The following MTFR1 variants were observed in gnomAD, a reference collection of about 807,000 sequenced individuals.
MTFR1 encodes mitochondrial fission regulator 1, also known as chondrocyte protein with a poly-proline region.
MTFR1 carries 28 observed loss-of-function variants against 38.8 expected under a neutral mutation model. That is an observed-to-expected ratio of 0.72 (90% CI 0.53 to 0.99). The LOEUF is 0.99. MTFR1 is among the 50% of genes least tolerant of loss of function. The pLI is 0.00. For synonymous variants in MTFR1, 145 were observed against 137.0 expected (o/e 1.06, Z -0.41); for missense variants, 358 against 395.5 (o/e 0.91, Z 0.81).
At chr8:65,654,303 A>G (rs58398396) in intron 1 of MTFR1, among the ~76,000 whole-genome samples, 29,194 of 151,966 alleles carry the variant, frequency 0.19, 2,968 homozygotes, top group Middle Eastern at 0.23. Context: ...ATTAATATGT[A>G]TTTGTAACTT....
chr8:65,751,719 C>T (rs1380986251), intron 3 of MTFR1, among the ~76,000 whole-genome samples: 2 of 152,136 alleles, frequency 1.3e-5, no homozygotes, highest in Non-Finnish European at 2.9e-5. Context: ...CTCGAACTCC[C>T]GACCTCAGGT....
intron 3 of MTFR1, chr8:65,722,053 A>G (rs975528551): frequency 6.6e-6 from 1 of 152,148 alleles, no homozygotes; most frequent in Non-Finnish European, 1.5e-5. Flanking sequence ...GGCTTCCCAA[A>G]GTGCTGGGTT....
chr8:65,663,238 C>T (rs969934333), intron 1 of MTFR1, among the ~76,000 whole-genome samples: 51 of 152,092 alleles, frequency 3.4e-4, no homozygotes, highest in Non-Finnish European at 6.5e-4. Context: ...TACCCCCAAC[C>T]CTGTGCTCTC....
At chr8:65,657,346 G>A (rs541776294) in intron 1 of MTFR1, among the ~76,000 whole-genome samples, 1 of 152,208 alleles carries the variant, frequency 6.6e-6, no homozygotes, top group East Asian at 1.9e-4. Flanking sequence ...TTTATTTTTA[G>A]AGCAGTTTTT....
intron 1 of MTFR1, among the ~76,000 whole-genome samples, chr8:65,650,139 T>C (rs1809079754): frequency 6.6e-6 from 1 of 150,824 alleles, no homozygotes; most frequent in African/African-American, 2.4e-5. Flanking sequence ...ATGCCCAGCC[T>C]AATTTTTGTA....
intron 3 of MTFR1, among the ~76,000 whole-genome samples, chr8:65,747,237 T>C (rs1216714049): frequency 6.6e-6 from 1 of 152,192 alleles, no homozygotes; most frequent in Admixed American, 6.5e-5. Flanking sequence ...CTTTCTGTGC[T>C]GGGTTTACCT....
At chr8:65,699,220 A>G (rs1435253921) in intron 4 of MTFR1, among the ~76,000 whole-genome samples, 2 of 151,914 alleles carry the variant, frequency 1.3e-5, no homozygotes, top group East Asian at 3.9e-4. Flanking sequence ...TATCTACCAC[A>G]TTTTCTTTAT....
chr8:65,737,524 A>G (rs1158269923), intron 3 of MTFR1, among the ~76,000 whole-genome samples: 2 of 152,114 alleles, frequency 1.3e-5, no homozygotes, highest in Non-Finnish European at 1.5e-5. Flanking sequence ...ATTATTTTTG[A>G]GACAGAGTCT....
intron 1 of MTFR1, among the ~76,000 whole-genome samples, chr8:65,655,903 C>G (rs1047787435): frequency 5.0e-5 from 6 of 119,160 alleles, no homozygotes; most frequent in Non-Finnish European, 7.2e-5. Flanking sequence ...GAGCTGAGAT[C>G]ACGCCATTGC....
chr8:65,690,430 T>A (rs1172833368), intron 3 of MTFR1, among the ~76,000 whole-genome samples: 2 of 151,992 alleles, frequency 1.3e-5, no homozygotes, highest in African/African-American at 4.8e-5. Context: ...TCTGGAGGCT[T>A]ACGCAGGTGA....
At chr8:65,645,292 G>A (rs555584287) in intron 1 of MTFR1, among the ~76,000 whole-genome samples, 25 of 152,368 alleles carry the variant, frequency 1.6e-4, no homozygotes, top group African/African-American at 6.0e-4. Flanking sequence ...AGTTTAACCA[G>A]CTTCCTGTGG....
chr8:65,693,414 A>G (rs76910109), intron 3 of MTFR1, among the ~76,000 whole-genome samples: 1 of 152,096 alleles, frequency 6.6e-6, no homozygotes, highest in Non-Finnish European at 1.5e-5. Context: ...AAAAAAAAAA[A>G]TCAACTTATA....
At chr8:65,743,092 A>G (rs1005116685) in intron 3 of MTFR1, among the ~76,000 whole-genome samples, 2 of 152,202 alleles carry the variant, frequency 1.3e-5, no homozygotes, top group Non-Finnish European at 2.9e-5. Flanking sequence ...ATGAGTGACA[A>G]GTGTCCCAGT....
At chr8:65,719,236 A>G in intron 2 of MTFR1, 2 of 1,250,768 alleles carry the variant, frequency 1.6e-6, no homozygotes, top group Non-Finnish European at 1.2e-6. Context: ...TCAAGACCCC[A>G]TTTCACATTT....
chr8:65,756,376 A>C (rs146494279), intron 3 of MTFR1, among the ~76,000 whole-genome samples: 2,336 of 152,092 alleles, frequency 0.015, 16 homozygotes, highest in Non-Finnish European at 0.025. Context: ...CCAGTGATTC[A>C]TGTATTGGTA....
intron 3 of MTFR1, chr8:65,682,720 C>A (rs1804938962): frequency 1.0e-6 from 1 of 971,696 alleles, no homozygotes; most frequent in Non-Finnish European, 1.2e-6. Context: ...GTTGTTAATT[C>A]CTAGGTGACC....
chr8:65,694,997 G>A (rs1031720578), intron 4 of MTFR1, among the ~76,000 whole-genome samples: 2 of 152,190 alleles, frequency 1.3e-5, no homozygotes, highest in African/African-American at 2.4e-5. Context: ...GGTCTTACAC[G>A]TGACTCTAAG....
chr8:65,729,151 T>TC (rs137896576), intron 3 of MTFR1, among the ~76,000 whole-genome samples: 6,283 of 152,214 alleles, frequency 0.041, 190 homozygotes, highest in Non-Finnish European at 0.062. Context: ...CAAAGAAATG[T>TC]CAAAAAAGAA....
chr8:65,725,128 T>A (rs1168063737), intron 3 of MTFR1, among the ~76,000 whole-genome samples: 1 of 152,112 alleles, frequency 6.6e-6, no homozygotes, highest in Non-Finnish European at 1.5e-5. Flanking sequence ...AACCAAGAGT[T>A]TGTAGGAAAA....
Sources: allele counts gnomAD v4.1 joint callset (sites outside exome capture counted in the v4.1 genomes callset), GRCh38; gene constraint gnomAD v4.1.1; transcripts MANE v1.5; gene names NCBI Gene and HGNC (gene_info 2026-07-23, HGNC 2026-07-21).